Variants in LARS1 observed in about 807,000 individuals in gnomAD.
The protein encoded by LARS1 is leucine--tRNA ligase, cytoplasmic.
A neutral mutation model predicts 162.8 loss-of-function variants in LARS1; 100 were observed. The observed-to-expected ratio is 0.61, with a 90% CI of 0.52 to 0.73. The LOEUF (loss-of-function observed/expected upper bound fraction) is 0.73. LARS1 is among the 30% of genes least tolerant of loss of function. The pLI is 0.00. For synonymous variants in LARS1, 457 were observed against 462.8 expected, an observed-to-expected ratio of 0.99 and a Z score of 0.16; for missense variants, 1,258 against 1,408.9, an observed-to-expected ratio of 0.89 and a Z score of 1.71.
intron 6 of LARS1, among the ~76,000 whole-genome samples, chr5:146,162,941 C>G (rs898990413): frequency 6.6e-6 from 1 of 152,200 alleles, no homozygotes; most frequent in African/African-American, 2.4e-5. Context: ...TCCCAAGTAG[C>G]TGGGATTATA....
At chr5:146,152,601 T>C (rs1753345451) in intron 13 of LARS1, among the ~76,000 whole-genome samples, 1 of 152,194 alleles carries the variant, frequency 6.6e-6, no homozygotes, top group African/African-American at 2.4e-5. Context: ...CACACCCTGC[T>C]GGTCCATGGA....
intron 27 of LARS1, among the ~76,000 whole-genome samples, chr5:146,126,949 C>T (rs1043167818): frequency 1.3e-5 from 2 of 152,026 alleles, no homozygotes; most frequent in African/African-American, 4.8e-5. Context: ...ACTGTTACCA[C>T]AATTGTGAAA....
At chr5:146,182,396 G>T in intron 1 of LARS1, 92 bp downstream of exon 1, 1 of 1,536,840 alleles carries the variant, frequency 6.5e-7, no homozygotes, top group Non-Finnish European at 9.0e-7. Flanking sequence ...TTTTAGAAAA[G>T]GACTTTCCCT....
intron 31 of LARS1, among the ~76,000 whole-genome samples, chr5:146,115,603 A>C (rs932575417): frequency 6.6e-6 from 1 of 150,412 alleles, no homozygotes; most frequent in African/African-American, 2.4e-5. Context: ...AAAAAAAAAA[A>C]AAAAAAGCAC....
At chr5:146,144,983 G>GAA (rs975154608) in intron 15 of LARS1, among the ~76,000 whole-genome samples, 2 of 150,302 alleles carry the variant, frequency 1.3e-5, no homozygotes, top group South Asian at 4.2e-4. Flanking sequence ...GAACAAAAAG[G>GAA]AAAAAAAAAC....
In LARS1 at chr5:146,174,465, CATAT is replaced by C. The variant is rs57666793; in HGVS notation, c.126-1695_126-1692del. 3.7e-4 allele frequency among the ~76,000 whole-genome samples: 14 copies of C among 37,432 alleles called. 2 individuals carry two copies. Among genetic ancestry groups the C allele is most frequent in the Non-Finnish European group, 8.7e-4 (12 of 13,734 alleles). The allele number at this position is 37,432 out of a possible 152,430, so 24.6% of individuals were successfully genotyped here. ...TGTCTCAAATATATATATATATATC[CATAT>C]ATATATATATATATCCATATATATA... On this transcript the variant is annotated intron_variant, in intron 2 of 31. Transcript: ENST00000394434.
In LARS1 at chr5:146,153,816, A is replaced by G; in HGVS notation, c.1154-6T>C. 6.2e-7 allele frequency: 1 copy of G among 1,613,844 alleles called. No homozygotes were observed. The highest frequency in any genetic ancestry group is 1.1e-5 in the South Asian group (1 of 91,072). On this transcript the variant is annotated splice_region_variant and splice_polypyrimidine_tract_variant and intron_variant, in intron 11 of 31. Transcript: ENST00000394434. ...ACTTGTAACCACACCAGTGCCTTAG[A>G]AAACAAAGTGTGGAATTAATAACTA...
intron 30 of LARS1, among the ~76,000 whole-genome samples, chr5:146,121,702 C>A (rs1001148724): frequency 1.3e-5 from 2 of 152,154 alleles, no homozygotes; most frequent in African/African-American, 4.8e-5. Flanking sequence ...TGGAAACCAT[C>A]ATTCTCCACA....
Position 146,113,271 on chromosome 5 carries a change from G to A in LARS1, c.*835C>T, listed in dbSNP as rs189158554. 2 of 152,400 alleles carry A rather than the reference G, an allele frequency of 1.3e-5. No individual in the cohort carries two copies. The highest frequency in any genetic ancestry group is 1.9e-4 in the East Asian group (1 of 5,176). The allele number at this position is 152,400 out of a possible 1,614,324, so 9.4% of individuals were successfully genotyped here. A position where few individuals can be genotyped will look rare whatever the true frequency, so the allele number is the denominator to read the frequency against. ...GTAGAGACGGGGTTTCACCATGTTG[G>A]TCAGGCTGGTCTCAAACTCCTGACC... On this transcript the variant is annotated 3_prime_UTR_variant, in exon 32 of 32. Transcript: ENST00000394434.
intron 23 of LARS1, 71 bp from the exon 24 acceptor site, chr5:146,131,180 A>G (rs1752264398): frequency 3.2e-6 from 2 of 623,606 alleles, no homozygotes; most frequent in Non-Finnish European, 5.4e-6. Flanking sequence ...AAACTGCTGC[A>G]TACACAAATT....
At chr5:146,173,100 C>G (rs1754349282) in intron 2 of LARS1, among the ~76,000 whole-genome samples, 1 of 152,106 alleles carries the variant, frequency 6.6e-6, no homozygotes, top group Non-Finnish European at 1.5e-5. Context: ...GTAATCCCAA[C>G]ACTTTGGGAG....
rs1404417916 is a variant in LARS1, at chr5:146,172,681, C to T, written c.213+6G>A. The T allele has an allele frequency of 6.5e-7, 1 of 1,527,882 alleles. No homozygotes were observed. Among genetic ancestry groups the T allele is most frequent in the Non-Finnish European group, 8.9e-7 (1 of 1,123,446 alleles). The allele number at this position is 1,527,882 out of a possible 1,614,324, so 94.6% of individuals were successfully genotyped here. ...CCCCATTATAGCAAACATAGGGAAA[C>T]ATTACCTCACATTTGGATAAAGAAA... On this transcript the variant is annotated splice_donor_region_variant and intron_variant, in intron 3 of 31. Coordinates refer to ENST00000394434, the MANE Select transcript of LARS1 (RefSeq NM_020117.11).
At chr5:146,142,851 C>T in intron 20 of LARS1, 21 bp downstream of exon 20, 1 of 1,577,392 alleles carries the variant, frequency 6.3e-7, no homozygotes, top group Non-Finnish European at 8.7e-7. Context: ...AAATCTAGTC[C>T]ACACCTATTT....
Position 146,151,217 on chromosome 5 carries a change from C to CA in LARS1, c.1425+644dup, listed in dbSNP as rs529795623. Among the ~76,000 whole-genome samples, 7 of 151,474 alleles carry CA rather than the reference C, an allele frequency of 4.6e-5. No individual in the cohort carries two copies. In the East Asian group the frequency reaches 5.8e-4, roughly 13 times the overall value. Reference sequence around the variant, plus strand: ...TCATCATTCAAAATATGTGTCACTTCAAAAAAAAGAAATGTAACCAATTCT... The same window carrying CA: ...TCATCATTCAAAATATGTGTCACTTCAAAAAAAAAGAAATGTAACCAATTCT... On this transcript the variant is annotated intron_variant, in intron 14 of 31. Transcript: ENST00000394434.
At chr5:146,147,852 G>A (rs1753086532) in intron 15 of LARS1, among the ~76,000 whole-genome samples, 1 of 152,140 alleles carries the variant, frequency 6.6e-6, no homozygotes, top group South Asian at 2.1e-4. Flanking sequence ...AATGAAAATT[G>A]ACCTACACCC....
At chr5:146,128,629 C>CATACAACA (rs745342576) in intron 27 of LARS1, 43 bp downstream of exon 27, 2 of 1,281,944 alleles carry the variant, frequency 1.6e-6, no homozygotes, top group Non-Finnish European at 2.2e-6. Context: ...ACATAGGGAG[C>CATACAACA]ATACAACACC....
At chr5:146,121,785 A>G (rs1751832971) in intron 30 of LARS1, among the ~76,000 whole-genome samples, 1 of 152,102 alleles carries the variant, frequency 6.6e-6, no homozygotes, top group South Asian at 2.1e-4. Flanking sequence ...ATGAGAACAC[A>G]TGGACATAGG....
intron 14 of LARS1, among the ~76,000 whole-genome samples, chr5:146,150,942 G>GACACACACACACACACACACAC (rs3995492): frequency 3.7e-5 from 5 of 134,808 alleles, no homozygotes; most frequent in Admixed American, 1.5e-4. Flanking sequence ...CCGTCAGATA[G>GACACACACACACACACACACAC]ACACACACAC....
In LARS1 at chr5:146,120,360, G is replaced by GTAAATTA; in HGVS notation, c.3325+10_3325+11insTAATTTA. 6.2e-7 allele frequency: 1 copy of GTAAATTA among 1,612,536 alleles called. No homozygotes were observed. The highest frequency in any genetic ancestry group is 8.5e-7 in the Non-Finnish European group (1 of 1,178,920). ...GCTACTGACAAATGGGAGTTTTGGG[G>GTAAATTA]AACAACTTACCTTTAATTCCTCGAT... On this transcript the variant is annotated intron_variant, in intron 31 of 31. Coordinates refer to ENST00000394434, the MANE Select transcript of LARS1 (RefSeq NM_020117.11).
Sources: allele counts gnomAD v4.1 joint callset (sites outside exome capture counted in the v4.1 genomes callset), GRCh38; gene constraint gnomAD v4.1.1; transcripts MANE v1.5; gene names NCBI Gene and HGNC (gene_info 2026-07-23, HGNC 2026-07-21).